Variants in LAP3 observed in about 807,000 individuals in gnomAD.
LAP3 encodes the protein cytosol aminopeptidase.
In LAP3, 46 loss-of-function variants were observed where a neutral mutation model predicts 58.8. The observed-to-expected ratio is 0.78, with a 90% confidence interval of 0.62 to 1.00. The LOEUF is 1.00. LAP3 is among the 50% of genes least tolerant of loss of function. The probability of loss-of-function intolerance (pLI) is 0.00; values close to 1 mark genes in which losing one functional copy is unlikely to be tolerated. For synonymous variants in LAP3, 257 were observed against 237.7 expected (o/e 1.08, Z -0.75); for missense variants, 615 against 659.1 (o/e 0.93, Z 0.73).
intron 7 of LAP3, among the ~76,000 whole-genome samples, chr4:17,590,439 T>C (rs950910668): frequency 6.6e-6 from 1 of 152,212 alleles, no homozygotes; most frequent in Non-Finnish European, 1.5e-5. Flanking sequence ...TTTTCTCCTT[T>C]AAAGCATTGA....
chr4:17,583,805 C>T (rs1713430024), intron 5 of LAP3, among the ~76,000 whole-genome samples, 163 bp downstream of exon 5: 1 of 152,096 alleles, frequency 6.6e-6, no homozygotes. Flanking sequence ...AAAATTAAGC[C>T]CAAGCTCTGC....
chr4:17,577,479 C>A lies in LAP3; in HGVS notation c.14C>A (p.Pro5His). 1 of 1,580,032 alleles carries A rather than the reference C, an allele frequency of 6.3e-7. No individual in the cohort carries two copies. The highest frequency in any genetic ancestry group is 1.4e-5 in the African/African-American group (1 of 73,814). The part of the protein sequence containing the change: MFLL[P>H]LPAAGRVVVR... ...CGAGCCGACAAGATGTTCTTGCTGCCTCTTCCGGCTGCGGGGCGAGTAGTC... is the reference window on the plus strand; with the variant it reads ...CGAGCCGACAAGATGTTCTTGCTGCATCTTCCGGCTGCGGGGCGAGTAGTC... The change falls in exon 1 of 13, where the codon CCT (proline) becomes CAT (histidine). Residue 5 changes from proline (P) to histidine (H), a missense_variant. By Grantham distance (77) the Pro-to-His change is moderately conservative. Transcript: ENST00000226299.
intron 11 of LAP3, among the ~76,000 whole-genome samples, chr4:17,606,324 T>C (rs1714137816): frequency 6.6e-6 from 1 of 151,976 alleles, no homozygotes. Context: ...GCATTCCCGG[T>C]TTCTTTTTAT....
chr4:17,580,168 A>C (rs1368493120), intron 2 of LAP3, among the ~76,000 whole-genome samples: 1 of 64,566 alleles, frequency 1.5e-5, no homozygotes, highest in Non-Finnish European at 2.7e-5. Flanking sequence ...CGGCTTTCAT[A>C]TATATATATA....
Position 17,585,121 on chromosome 4 carries a change from C to G in LAP3, c.689C>G (p.Thr230Ser). ...EKNLKSASSK[T>S]EVHIRPKSWI... ...AATCTCAAAAGTGCTAGTAGTAAAA[C>G]CGAGGTCCATATCAGGTAATTCAGG... Residue 230 changes from threonine to serine, a missense_variant, in exon 6 of 13, where the codon ACC becomes AGC. Physicochemically the swap from Thr to Ser is moderately conservative, Grantham distance 58. Coordinates refer to ENST00000226299, the MANE Select transcript of LAP3 (RefSeq NM_015907.3). 2 of 1,613,370 alleles carry G rather than the reference C, an allele frequency of 1.2e-6. No homozygotes were observed. Among genetic ancestry groups the G allele is most frequent in the Non-Finnish European group, 1.7e-6 (2 of 1,179,454 alleles).
chr4:17,593,950 A>AT (rs1713768193), intron 7 of LAP3, among the ~76,000 whole-genome samples: 1 of 151,872 alleles, frequency 6.6e-6, no homozygotes, highest in Non-Finnish European at 1.5e-5. Context: ...ACCTACTGAG[A>AT]TTTTGATTGA....
At chr4:17,596,211 C>T (rs1036872790) in intron 8 of LAP3, among the ~76,000 whole-genome samples, 4 of 152,110 alleles carry the variant, frequency 2.6e-5, no homozygotes, top group East Asian at 1.9e-4. Flanking sequence ...GACACGTCCT[C>T]TAAGAAAAAG....
At chr4:17,591,103 A>C (rs566676293) in intron 7 of LAP3, among the ~76,000 whole-genome samples, 4 of 144,298 alleles carry the variant, frequency 2.8e-5, no homozygotes, top group African/African-American at 1.0e-4. Flanking sequence ...TTGAGACGGA[A>C]TCTTGCTCTG....
intron 7 of LAP3, 74 bp downstream of exon 7, chr4:17,589,051 T>A (rs1713608387): frequency 1.4e-6 from 2 of 1,473,226 alleles, no homozygotes; most frequent in Admixed American, 4.6e-5. Flanking sequence ...GGTTATAGGG[T>A]TTTTTGGTTT....
chr4:17,579,636 C>T (rs1713298129), intron 1 of LAP3, among the ~76,000 whole-genome samples, 188 bp from the exon 2 acceptor site: 2 of 152,162 alleles, frequency 1.3e-5, no homozygotes, highest in Admixed American at 1.3e-4. Flanking sequence ...TGGCAGGAAT[C>T]TGAAACACTT....
chr4:17,578,277 CAGT>C (rs765348030), intron 1 of LAP3, among the ~76,000 whole-genome samples: 1 of 152,200 alleles, frequency 6.6e-6, no homozygotes, highest in Non-Finnish European at 1.5e-5. Flanking sequence ...GCAGGTATCT[CAGT>C]GGTGGAGGGA....
chr4:17,591,295 C>G (rs1713685120), intron 7 of LAP3, among the ~76,000 whole-genome samples: 1 of 151,806 alleles, frequency 6.6e-6, no homozygotes, highest in Non-Finnish European at 1.5e-5. Flanking sequence ...TGTCTGCCAC[C>G]ACGCCTGGCT....
At chr4:17,594,671 GTC>G (rs1349665106) in intron 7 of LAP3, among the ~76,000 whole-genome samples, 2 of 152,160 alleles carry the variant, frequency 1.3e-5, no homozygotes, top group Non-Finnish European at 1.5e-5. Context: ...TTGAAGTACT[GTC>G]TCTCAGCCAT....
Position 17,607,412 on chromosome 4 carries a change from A to G in LAP3, c.1383A>G (p.Ala461=), listed in dbSNP as rs1490060859. ...NNIGKYRSAG[A]CTAAAFLKEF... Reference sequence around the variant, plus strand: ...TCTTTCTCTTCAGATCTGCAGGAGCATGTACAGCTGCAGCATTCCTGAAAG... The same window carrying G: ...TCTTTCTCTTCAGATCTGCAGGAGCGTGTACAGCTGCAGCATTCCTGAAAG... Residue 461 remains alanine (A), a synonymous_variant, in exon 13 of 13, where the codon GCA becomes GCG. Transcript: ENST00000226299. The G allele has an allele frequency of 1.9e-6, 3 of 1,613,416 alleles. No individual in the cohort carries two copies. The highest frequency in any genetic ancestry group is 1.1e-5 in the South Asian group (1 of 90,976).
At chr4:17,589,219 C>G (rs1176356344) in intron 7 of LAP3, among the ~76,000 whole-genome samples, 1 of 151,972 alleles carries the variant, frequency 6.6e-6, no homozygotes, top group Non-Finnish European at 1.5e-5. Context: ...CACCACCACA[C>G]CCAGCTAATT....
chr4:17,585,168 G>T, intron 6 of LAP3, 32 bp downstream of exon 6: 1 of 1,575,570 alleles, frequency 6.3e-7, no homozygotes, highest in Non-Finnish European at 8.7e-7. Flanking sequence ...GACTCGAGAT[G>T]TTACAGCCAG....
chr4:17,583,483 C>A lies in LAP3; in HGVS notation c.380C>A (p.Ala127Glu). The change falls in exon 5 of 13, where the codon GCG (alanine) becomes GAG (glutamate). Residue 127 changes from alanine (A) to glutamate (E), a missense_variant and splice_region_variant. By Grantham distance (107) the Ala-to-Glu change is moderately radical. Coordinates refer to ENST00000226299, the MANE Select transcript of LAP3 (RefSeq NM_015907.3). ...GKENIRAAVA[A>E]GCRQIQDLEL... ...TTTCTGATTCCTCTGTCTTTTCAAG[C>A]GGGGTGCAGGCAGATTCAAGACCTG... 1.2e-6 allele frequency: 2 copies of A among 1,613,462 alleles called. No homozygotes were observed. The highest frequency in any genetic ancestry group is 1.7e-6 in the Non-Finnish European group (2 of 1,179,982).
intron 4 of LAP3, 91 bp from the exon 5 acceptor site, chr4:17,583,392 T>A: frequency 8.4e-6 from 12 of 1,435,552 alleles, no homozygotes; most frequent in Non-Finnish European, 1.2e-5. Flanking sequence ...CCCAGGGCTG[T>A]TTTCTCAGCA....
At chr4:17,597,646 C>T (rs1424649908) in intron 9 of LAP3, among the ~76,000 whole-genome samples, 1 of 152,178 alleles carries the variant, frequency 6.6e-6, no homozygotes, top group Non-Finnish European at 1.5e-5. Context: ...ACTTATTGTT[C>T]CTCCCATTTC....
Sources: allele counts gnomAD v4.1 joint callset (sites outside exome capture counted in the v4.1 genomes callset), GRCh38; gene constraint gnomAD v4.1.1; transcripts MANE v1.5; gene names NCBI Gene and HGNC (gene_info 2026-07-23, HGNC 2026-07-21).